The following NUFIP1 variants were observed in gnomAD, a reference collection of about 807,000 sequenced individuals.
The protein encoded by NUFIP1 is FMR1-interacting protein NUFIP1.
NUFIP1 carries 38 observed loss-of-function variants against 56.2 expected under a neutral mutation model. The ratio of observed to expected loss-of-function variants is 0.68; its 90% CI spans 0.52 to 0.89. The LOEUF (loss-of-function observed/expected upper bound fraction) is 0.89. NUFIP1 is among the 40% of genes least tolerant of loss of function. The pLI is 0.00. For missense variants in NUFIP1, 567 were observed against 605.8 expected (o/e 0.94, Z 0.67); for synonymous variants, 215 against 212.4 (o/e 1.01, Z -0.10).
At chr13:44,967,812 G>A (rs994880882) in intron 5 of NUFIP1, among the ~76,000 whole-genome samples, 1 of 152,066 alleles carries the variant, frequency 6.6e-6, no homozygotes, top group Non-Finnish European at 1.5e-5. Flanking sequence ...TCAGGAAGAG[G>A]GCAATAGATT....
chr13:44,954,899 C>T (rs917882075), intron 7 of NUFIP1, among the ~76,000 whole-genome samples: 1 of 152,186 alleles, frequency 6.6e-6, no homozygotes, highest in East Asian at 1.9e-4. Flanking sequence ...GTTAGACTTA[C>T]GTCCCAGTGT....
At chr13:44,948,929 G>A (rs912415722) in intron 8 of NUFIP1, among the ~76,000 whole-genome samples, 1 of 152,092 alleles carries the variant, frequency 6.6e-6, no homozygotes. Context: ...GCAGACACAA[G>A]TATAAGGTTG....
chr13:44,988,177 T>C (rs1464298018), intron 1 of NUFIP1, among the ~76,000 whole-genome samples: 1 of 152,208 alleles, frequency 6.6e-6, no homozygotes, highest in Non-Finnish European at 1.5e-5. Context: ...CCCAACACTT[T>C]GGGAGGCTGA....
In NUFIP1 at chr13:44,980,796, A is replaced by G. The variant is rs1433873147; in HGVS notation, c.520T>C (p.Phe174Leu). Residue 174 changes from phenylalanine (F) to leucine (L), a missense_variant, in exon 3 of 10, where the codon TTT becomes CTT. Coordinates refer to ENST00000379161, the MANE Select transcript of NUFIP1 (RefSeq NM_012345.3). ...KKKRKEPVFH[F>L]FCDTCDRGFK... is the part of the protein sequence containing the mutation. The stretch of plus-strand genomic sequence containing the variant: ...CCACGATCACAGGTATCACAAAAAA[A>G]GTGAAAAACTGGTTCCTTTCTTTTC... 2 of 1,602,830 alleles carry G rather than the reference A, an allele frequency of 1.2e-6. No homozygotes were observed. The highest frequency in any genetic ancestry group is 2.2e-5 in the East Asian group (1 of 44,744).
chr13:44,985,797 TTAA>T, intron 1 of NUFIP1, among the ~76,000 whole-genome samples: 1 of 152,272 alleles, frequency 6.6e-6, no homozygotes, highest in Admixed American at 6.5e-5. Flanking sequence ...AGTAGGCCAA[TTAA>T]TAACCCTATC....
intron 7 of NUFIP1, among the ~76,000 whole-genome samples, chr13:44,950,095 G>A (rs977044020): frequency 1.3e-5 from 2 of 152,110 alleles, no homozygotes; most frequent in Admixed American, 6.5e-5. Flanking sequence ...TGCTTCACAG[G>A]TTATACAATC....
intron 6 of NUFIP1, among the ~76,000 whole-genome samples, chr13:44,964,687 T>A (rs572083321): frequency 6.0e-4 from 91 of 152,272 alleles, no homozygotes; most frequent in Non-Finnish European, 3.7e-4. Context: ...CTGATTGGCA[T>A]GTATTTGTCA....
At chr13:44,955,823 T>TAA (rs59016818) in intron 7 of NUFIP1, among the ~76,000 whole-genome samples, 2 of 147,884 alleles carry the variant, frequency 1.4e-5, no homozygotes, top group African/African-American at 5.0e-5. Flanking sequence ...CTGATGAGCT[T>TAA]AAAAAAAAAA....
At chr13:44,962,536 T>A (rs954062013) in intron 6 of NUFIP1, among the ~76,000 whole-genome samples, 2 of 152,248 alleles carry the variant, frequency 1.3e-5, no homozygotes, top group Non-Finnish European at 1.5e-5. Flanking sequence ...ACCACATATA[T>A]GACAGTAGTC....
chr13:44,988,327 T>G (rs1322840826), intron 1 of NUFIP1, among the ~76,000 whole-genome samples: 1 of 152,102 alleles, frequency 6.6e-6, no homozygotes, highest in Non-Finnish European at 1.5e-5. Context: ...GTTTGAGGCA[T>G]GAGAATTGCT....
Position 44,989,337 on chromosome 13 carries a change from G to A in NUFIP1, c.100C>T (p.Arg34Trp), listed in dbSNP as rs1167038707. ...ATTGCCCAGAACATCCAGCTGTCCC[G>A]CGGCGGGGCAGTGTCGCTCAGGGGC... Reference protein sequence around the residue: ...LGPLSDTAPPRDSWMFWAMLP... With the variant: ...LGPLSDTAPPWDSWMFWAMLP... Residue 34 changes from arginine (R) to tryptophan (W), a missense_variant, in exon 1 of 10, where the codon CGG becomes TGG. By Grantham distance (101) the Arg-to-Trp change is moderately radical (BLOSUM62 -3). Coordinates refer to ENST00000379161, the MANE Select transcript of NUFIP1 (RefSeq NM_012345.3). 1 of 1,612,956 alleles carries A rather than the reference G, an allele frequency of 6.2e-7. No homozygotes were observed. Among genetic ancestry groups the A allele is most frequent in the Non-Finnish European group, 8.5e-7 (1 of 1,179,694 alleles).
At chr13:44,977,867 G>A (rs554902345) in intron 5 of NUFIP1, among the ~76,000 whole-genome samples, 1 of 152,246 alleles carries the variant, frequency 6.6e-6, no homozygotes, top group South Asian at 2.1e-4. Context: ...TGGCCAACAT[G>A]GCGAAACCCC....
In NUFIP1 at chr13:44,989,078, C is replaced by A. The variant is rs752135351; in HGVS notation, c.359G>T (p.Trp120Leu). 2 of 1,614,034 alleles carry A rather than the reference C, an allele frequency of 1.2e-6. No individual in the cohort carries two copies. The highest frequency in any genetic ancestry group is 1.7e-6 in the Non-Finnish European group (2 of 1,180,020). Residue 120 changes from tryptophan (W) to leucine (L), a missense_variant, in exon 1 of 10, where the codon TGG becomes TTG. Coordinates refer to ENST00000379161, the MANE Select transcript of NUFIP1 (RefSeq NM_012345.3). ...WNFHASTSWY[W>L]RQSSDRFPRH... ...AGGAAACCTATCAGAAGACTGTCTC[C>A]AATACCACGATGTGGAAGCATGGAA...
Position 44,943,607 on chromosome 13 carries a change from C to G in NUFIP1, c.1206G>C (p.Lys402Asn). 6.2e-7 allele frequency: 1 copy of G among 1,614,082 alleles called. No homozygotes were observed. Among genetic ancestry groups the G allele is most frequent in the Non-Finnish European group, 8.5e-7 (1 of 1,179,990 alleles). Residue 402 changes from lysine (K) to asparagine (N), a missense_variant, in exon 9 of 10, where the codon AAG becomes AAC. Transcript: ENST00000379161. ...TTGCTTTAACATCTTGACTTGGACT[C>G]TTAGGAGCACTGCTATCAAGAACCT... ...ENQVLDSSAPKSPSQDVKATV... is the reference protein window; with the variant it reads ...ENQVLDSSAPNSPSQDVKATV...
At position 44,982,656 on chromosome 13, in the gene NUFIP1, C is replaced by T. The variant is rs1457500502; in HGVS notation, c.413-502G>A. ...AAGCCCCCTCTTCCAACAAACCTTA[C>T]ATACTGACACCAAAAAAAAAAAAAA... On this transcript the variant is annotated intron_variant, in intron 1 of 9. Transcript: ENST00000379161. Among the ~76,000 whole-genome samples, 3 of 151,172 alleles carry T rather than the reference C, an allele frequency of 2.0e-5. No individual in the cohort carries two copies. The East Asian group carries it at 5.8e-4, about 29-fold the overall frequency.
At chr13:44,952,829 G>A (rs1396902182) in intron 7 of NUFIP1, among the ~76,000 whole-genome samples, 2 of 152,116 alleles carry the variant, frequency 1.3e-5, no homozygotes, top group East Asian at 1.9e-4. Context: ...CATTGCATTC[G>A]GTTGTCATGA....
At chr13:44,979,364 A>C (rs1370468040) in intron 4 of NUFIP1, 98 bp from the exon 5 acceptor site, 1 of 935,808 alleles carries the variant, frequency 1.1e-6, no homozygotes, top group African/African-American at 1.7e-5. Flanking sequence ...TGTTGGACAC[A>C]ATTTTAAAAC....
chr13:44,961,507 A>G (rs920669835), intron 6 of NUFIP1, among the ~76,000 whole-genome samples: 1 of 152,254 alleles, frequency 6.6e-6, no homozygotes, highest in African/African-American at 2.4e-5. Flanking sequence ...AATTTGTTAA[A>G]TCAACATGTT....
intron 5 of NUFIP1, among the ~76,000 whole-genome samples, chr13:44,969,565 C>A (rs1871732737): frequency 6.6e-6 from 1 of 152,140 alleles, no homozygotes; most frequent in African/African-American, 2.4e-5. Context: ...CTACTAAAAT[C>A]ATTTTCTCCC....
Sources: gnomAD v4.1 joint callset for allele counts (sites outside exome capture counted in the v4.1 genomes callset) on GRCh38, gnomAD v4.1.1 for gene constraint, MANE v1.5 for transcripts, NCBI Gene and HGNC (gene_info 2026-07-23, HGNC 2026-07-21) for gene names.